Variants in FAM107B observed in about 807,000 individuals in gnomAD.
The protein encoded by FAM107B is family with sequence similarity 107 member B.
A neutral mutation model predicts 31.5 loss-of-function variants in FAM107B; 21 were observed. The ratio of observed to expected loss-of-function variants is 0.67; its 90% CI spans 0.47 to 0.96. The LOEUF (loss-of-function observed/expected upper bound fraction) is 0.96, where lower values mean the gene tolerates loss of function less well. Among genes scored for constraint, FAM107B ranks in the 40% least tolerant of loss-of-function variants. The pLI, the probability that FAM107B is intolerant of heterozygous loss-of-function variation, is 0.00. For synonymous variants in FAM107B, 157 were observed against 141.5 expected (o/e 1.11, Z -0.78); for missense variants, 452 against 377.1 (o/e 1.20, Z -1.64).
At chr10:14,552,561 G>A (rs1564557759) in intron 2 of FAM107B, among the ~76,000 whole-genome samples, 2 of 152,122 alleles carry the variant, frequency 1.3e-5, no homozygotes, top group African/African-American at 4.8e-5. Context: ...TTTTGGCCAG[G>A]CGTGGTAGCT....
At chr10:14,563,428 AATAG>A (rs1199878261) in intron 2 of FAM107B, among the ~76,000 whole-genome samples, 1 of 152,220 alleles carries the variant, frequency 6.6e-6, no homozygotes, top group South Asian at 2.1e-4. Context: ...TGGGATATTA[AATAG>A]ATAATTTATT....
chr10:14,700,297 G>A (rs1436991706), intron 1 of FAM107B, among the ~76,000 whole-genome samples: 2 of 152,056 alleles, frequency 1.3e-5, no homozygotes, highest in Non-Finnish European at 2.9e-5. Context: ...AACTAAATGG[G>A]GACAAGCAAA....
intron 1 of FAM107B, among the ~76,000 whole-genome samples, chr10:14,756,625 G>C (rs1286344728): frequency 6.6e-6 from 1 of 152,168 alleles, no homozygotes; most frequent in African/African-American, 2.4e-5. Flanking sequence ...AAGACTTAAA[G>C]ACAGAAATAC....
At chr10:14,551,279 C>CT (rs1849237176) in intron 2 of FAM107B, among the ~76,000 whole-genome samples, 1 of 152,088 alleles carries the variant, frequency 6.6e-6, no homozygotes, top group Admixed American at 6.5e-5. Context: ...TCCTGAGTAG[C>CT]TGGGACTACA....
At chr10:14,655,920 G>A (rs1318408463) in intron 2 of FAM107B, among the ~76,000 whole-genome samples, 2 of 152,152 alleles carry the variant, frequency 1.3e-5, no homozygotes, top group Admixed American at 6.5e-5. Context: ...TCTGGGGTGA[G>A]AGGAAGCCTT....
intron 2 of FAM107B, among the ~76,000 whole-genome samples, chr10:14,609,284 ACTGGGGTCTATG>A (rs1852669798): frequency 6.6e-6 from 1 of 152,134 alleles, no homozygotes; most frequent in African/African-American, 2.4e-5. Context: ...AAATGGCATG[ACTGGGGTCTATG>A]CTGAAGGCCT....
At chr10:14,532,869 A>G (rs1249847840) in intron 2 of FAM107B, among the ~76,000 whole-genome samples, 1 of 152,126 alleles carries the variant, frequency 6.6e-6, no homozygotes, top group Non-Finnish European at 1.5e-5. Context: ...TCGTTATTAC[A>G]TTTGGGGAGG....
At chr10:14,755,805 AC>A (rs1239831861) in intron 1 of FAM107B, among the ~76,000 whole-genome samples, 1 of 152,152 alleles carries the variant, frequency 6.6e-6, no homozygotes, top group Admixed American at 6.5e-5. Context: ...GACAAATGTG[AC>A]ATCATTGCCT....
intron 2 of FAM107B, among the ~76,000 whole-genome samples, chr10:14,663,887 C>CAAA (rs3035297): frequency 0.08 from 6,403 of 80,198 alleles, 1,054 homozygotes; most frequent in East Asian, 0.19. Flanking sequence ...GATCATCAGC[C>CAAA]AAAAAAAAAA....
chr10:14,551,526 T>C (rs1421518872), intron 2 of FAM107B, among the ~76,000 whole-genome samples: 1 of 152,056 alleles, frequency 6.6e-6, no homozygotes, highest in East Asian at 1.9e-4. Context: ...ATTCAGTTTA[T>C]AGTAGAAAGT....
At chr10:14,741,822 G>A (rs867830286) in intron 1 of FAM107B, among the ~76,000 whole-genome samples, 5 of 143,134 alleles carry the variant, frequency 3.5e-5, no homozygotes, top group Non-Finnish European at 6.0e-5. Context: ...CTGGGTTCAC[G>A]CCATTCTCCT....
intron 2 of FAM107B, among the ~76,000 whole-genome samples, chr10:14,568,425 ACGAGGAGGTGAAGATACTCAGGTAAGAGG>A: frequency 1.3e-5 from 2 of 151,810 alleles, no homozygotes; most frequent in Admixed American, 1.3e-4. Flanking sequence ...CCAGGGTTAG[ACGAGGAGGTGAAGATACTCAGGTAAGAGG>A]AGGCTGGCTG....
intron 2 of FAM107B, among the ~76,000 whole-genome samples, chr10:14,620,266 C>G (rs1332560078): frequency 6.6e-6 from 1 of 152,158 alleles, no homozygotes; most frequent in Non-Finnish European, 1.5e-5. Flanking sequence ...ATCCGCCCAC[C>G]TTGGCCTCCC....
intron 2 of FAM107B, among the ~76,000 whole-genome samples, chr10:14,543,227 G>T (rs901022745): frequency 3.3e-5 from 5 of 152,234 alleles, no homozygotes; most frequent in Admixed American, 2.0e-4. Flanking sequence ...GTGTTCAGGG[G>T]AGCTGTTGCT....
intron 2 of FAM107B, chr10:14,571,798 T>C (rs1851249774): frequency 6.1e-6 from 6 of 985,478 alleles, no homozygotes; most frequent in Middle Eastern, 1.0e-3. Flanking sequence ...GTTTTAATCA[T>C]GGGCATTCAA....
At chr10:14,735,188 T>G (rs540307918) in intron 1 of FAM107B, among the ~76,000 whole-genome samples, 1 of 152,270 alleles carries the variant, frequency 6.6e-6, no homozygotes. Flanking sequence ...AGATCAAGCA[T>G]GTCCAACCCA....
chr10:14,715,786 C>T (rs1395744109), intron 1 of FAM107B, among the ~76,000 whole-genome samples: 1 of 152,182 alleles, frequency 6.6e-6, no homozygotes, highest in African/African-American at 2.4e-5. Context: ...ACACAAGTGC[C>T]TCCCAACCTC....
At chr10:14,685,142 A>AT (rs59475861) in intron 1 of FAM107B, among the ~76,000 whole-genome samples, 484 of 36,754 alleles carry the variant, frequency 0.013, 3 homozygotes, top group East Asian at 0.067. Flanking sequence ...ACATCCTTTT[A>AT]TTTTTTTTTT....
intron 1 of FAM107B, among the ~76,000 whole-genome samples, chr10:14,680,435 G>A (rs1854804044): frequency 6.6e-6 from 1 of 152,026 alleles, no homozygotes. Context: ...TTAGCCAGGT[G>A]TGGTGGCACA....
Sources: allele counts gnomAD v4.1 joint callset (sites outside exome capture counted in the v4.1 genomes callset), GRCh38; gene constraint gnomAD v4.1.1; transcripts MANE v1.5; gene names NCBI Gene and HGNC (gene_info 2026-07-23, HGNC 2026-07-21).